Variants in PTK2 observed in about 807,000 individuals in gnomAD.
PTK2 encodes the protein focal adhesion kinase 1.
In PTK2, 45 loss-of-function variants were observed where a neutral mutation model predicts 150.1. The observed-to-expected ratio is 0.30, with a 90% CI of 0.24 to 0.38. The LOEUF (loss-of-function observed/expected upper bound fraction) is 0.38. PTK2 is among the 10% of genes least tolerant of loss of function. The pLI, the probability that PTK2 is intolerant of heterozygous loss-of-function variation, is 1.00. For synonymous variants in PTK2, 432 were observed against 449.2 expected (o/e 0.96, Z 0.48); for missense variants, 919 against 1,307.3 (o/e 0.70, Z 4.58).
At chr8:140,748,666 TA>T (rs1340820542) in intron 17 of PTK2, among the ~76,000 whole-genome samples, 2 of 152,168 alleles carry the variant, frequency 1.3e-5, no homozygotes, top group Non-Finnish European at 2.9e-5. Flanking sequence ...TTTGACCGCC[TA>T]ATTGAGCCAA....
At chr8:140,972,176 ACCT>A (rs2100187532) in intron 1 of PTK2, among the ~76,000 whole-genome samples, 1 of 132,988 alleles carries the variant, frequency 7.5e-6, no homozygotes, top group Non-Finnish European at 1.8e-5. Flanking sequence ...AATGTTATCC[ACCT>A]CCTCCCCTAA....
chr8:140,748,711 T>C (rs749170922), intron 17 of PTK2, among the ~76,000 whole-genome samples: 1 of 152,162 alleles, frequency 6.6e-6, no homozygotes, highest in Non-Finnish European at 1.5e-5. Context: ...TAGACATACA[T>C]ATCTGTGTGT....
At chr8:140,751,029 C>T (rs942925889) in intron 17 of PTK2, among the ~76,000 whole-genome samples, 2 of 152,056 alleles carry the variant, frequency 1.3e-5, no homozygotes, top group African/African-American at 4.8e-5. Flanking sequence ...ATGGGAGGAT[C>T]CCTTGAGTCC....
At chr8:140,745,992 T>C (rs2100058478) in intron 18 of PTK2, among the ~76,000 whole-genome samples, 1 of 147,742 alleles carries the variant, frequency 6.8e-6, no homozygotes, top group African/African-American at 2.5e-5. Flanking sequence ...AGAGCGAGAC[T>C]CTGTCTCAAA....
intron 6 of PTK2, 33 bp downstream of exon 6, chr8:140,846,562 GATAA>G (rs781380992): frequency 5.0e-5 from 73 of 1,459,952 alleles, no homozygotes; most frequent in South Asian, 2.3e-4. Flanking sequence ...TTAAAAAATT[GATAA>G]ATAAAGGCCG....
At chr8:140,728,452 T>G (rs1261729580) in intron 22 of PTK2, among the ~76,000 whole-genome samples, 1 of 152,268 alleles carries the variant, frequency 6.6e-6, no homozygotes, top group East Asian at 1.9e-4. Flanking sequence ...CTGTTGTTAC[T>G]ACTACCTACT....
At chr8:140,724,106 C>T (rs1592243311) in intron 22 of PTK2, among the ~76,000 whole-genome samples, 2 of 152,274 alleles carry the variant, frequency 1.3e-5, no homozygotes, top group Middle Eastern at 6.8e-3. Context: ...TGTTTTTCTT[C>T]AAGCTGTCCC....
chr8:140,892,218 C>G (rs577864686), intron 2 of PTK2, among the ~76,000 whole-genome samples: 1 of 151,832 alleles, frequency 6.6e-6, no homozygotes, highest in Non-Finnish European at 1.5e-5. Flanking sequence ...AACAAACAAA[C>G]GAACAAACAC....
chr8:140,830,898 C>A (rs2100114973), intron 7 of PTK2, among the ~76,000 whole-genome samples: 1 of 151,994 alleles, frequency 6.6e-6, no homozygotes, highest in African/African-American at 2.4e-5. Context: ...CTGGGTAATA[C>A]TGTATTTGTA....
chr8:140,890,901 T>C (rs1167616588), intron 2 of PTK2, 132 bp from the exon 3 acceptor site: 1 of 735,852 alleles, frequency 1.4e-6, no homozygotes, highest in Non-Finnish European at 2.2e-6. Flanking sequence ...CTGAGGAGAA[T>C]AGAGACCTAA....
intron 1 of PTK2, among the ~76,000 whole-genome samples, chr8:140,947,284 T>C (rs1358912124): frequency 2.0e-5 from 3 of 152,162 alleles, no homozygotes; most frequent in Non-Finnish European, 4.4e-5. Context: ...ACAGAAGGCA[T>C]TATAAAAGAA....
chr8:140,904,549 T>C (rs1422457347), intron 2 of PTK2, among the ~76,000 whole-genome samples: 1 of 152,210 alleles, frequency 6.6e-6, no homozygotes, highest in African/African-American at 2.4e-5. Context: ...TTTCTATTGC[T>C]TGGAATAGTT....
At chr8:140,697,523 C>T (rs1359333153) in intron 26 of PTK2, among the ~76,000 whole-genome samples, 1 of 151,974 alleles carries the variant, frequency 6.6e-6, no homozygotes, top group African/African-American at 2.4e-5. Context: ...TTACTGCAAC[C>T]TCCGCCTCCC....
chr8:140,826,897 G>A (rs1188191643), intron 8 of PTK2, among the ~76,000 whole-genome samples: 3 of 152,008 alleles, frequency 2.0e-5, no homozygotes, highest in African/African-American at 4.8e-5. Context: ...CAGCCTGGGC[G>A]ACGGAGTGAG....
chr8:141,000,156 CTACACAAGGAACCCAG>C (rs1471716143), intron 1 of PTK2, among the ~76,000 whole-genome samples: 1 of 144,564 alleles, frequency 6.9e-6, no homozygotes, highest in Admixed American at 6.9e-5. Context: ...CAGGATGCCG[CTACACAAGGAACCCAG>C]AGAGAAATTC....
intron 1 of PTK2, among the ~76,000 whole-genome samples, chr8:140,966,067 T>C (rs1165288102): frequency 6.6e-6 from 1 of 152,116 alleles, no homozygotes; most frequent in Non-Finnish European, 1.5e-5. Context: ...CTATTAGGAG[T>C]GTAAACCTAA....
intron 3 of PTK2, among the ~76,000 whole-genome samples, chr8:140,889,258 C>T (rs565623680): frequency 9.9e-5 from 15 of 151,902 alleles, no homozygotes; most frequent in African/African-American, 3.6e-4. Context: ...TTGAGACAGT[C>T]TCACTTTGTT....
intron 8 of PTK2, among the ~76,000 whole-genome samples, chr8:140,824,137 T>C (rs2100110512): frequency 6.6e-6 from 1 of 152,172 alleles, no homozygotes; most frequent in African/African-American, 2.4e-5. Flanking sequence ...ACATGGAATG[T>C]GTGTGGTGGT....
At chr8:140,700,047 A>T (rs2100029311) in intron 26 of PTK2, among the ~76,000 whole-genome samples, 1 of 152,210 alleles carries the variant, frequency 6.6e-6, no homozygotes, top group South Asian at 2.1e-4. Context: ...TTTAACTGTT[A>T]ATGTGATTAT....
Sources: gnomAD v4.1 joint callset for allele counts (sites outside exome capture counted in the v4.1 genomes callset) on GRCh38, gnomAD v4.1.1 for gene constraint, MANE v1.5 for transcripts, NCBI Gene and HGNC (gene_info 2026-07-23, HGNC 2026-07-21) for gene names.